PIP4K2A: variants seen among roughly 807,000 people sequenced by gnomAD.
PIP4K2A encodes the protein phosphatidylinositol 5-phosphate 4-kinase type-2 alpha.
In PIP4K2A, 14 loss-of-function variants were observed where a neutral mutation model predicts 42.9. The observed-to-expected ratio is 0.33, with a 90% CI of 0.22 to 0.51. The LOEUF is 0.51. Among genes scored for constraint, PIP4K2A ranks in the 20% least tolerant of loss-of-function variants. The pLI is 0.97. For synonymous variants in PIP4K2A, 192 were observed against 192.2 expected (o/e 1.00, Z 0.01); for missense variants, 434 against 519.8 (o/e 0.83, Z 1.61).
chr10:22,699,018 TGTGA>T (rs1431832609), intron 1 of PIP4K2A, among the ~76,000 whole-genome samples: 1 of 152,214 alleles, frequency 6.6e-6, no homozygotes, highest in African/African-American at 2.4e-5. Context: ...GTGTTAAATC[TGTGA>T]GTATCCGATG....
chr10:22,621,477 G>C (rs1053276787), intron 1 of PIP4K2A, among the ~76,000 whole-genome samples: 1 of 152,162 alleles, frequency 6.6e-6, no homozygotes, highest in African/African-American at 2.4e-5. Context: ...CTGGGATAAG[G>C]ATGTTCTAAA....
At position 22,540,057 on chromosome 10, in the gene PIP4K2A, C is replaced by T. The variant is rs1338590293; in HGVS notation, c.1054G>A (p.Val352Met). ...KCHENSPRKE[V>M]YFMAIIDILT... ...ATGTCAATAATTGCCATGAAGTACA[C>T]CTCCTTCCTAGGCGAGTCTGCAGAG... Residue 352 changes from valine (V) to methionine (M), a missense_variant, in exon 9 of 10, where the codon GTG becomes ATG. Val to Met is a conservative substitution (Grantham distance 21, BLOSUM62 1). This residue lies in a region of PIP4K2A where 39 missense variants were observed against 75.3 expected (regional missense o/e 0.52). Coordinates refer to ENST00000376573, the MANE Select transcript of PIP4K2A (RefSeq NM_005028.5). 5.0e-6 allele frequency: 8 copies of T among 1,607,438 alleles called. No homozygotes were observed. In the East Asian group the frequency reaches 1.3e-4, roughly 27 times the overall value.
chr10:22,617,499 C>G (rs945672999), intron 1 of PIP4K2A, among the ~76,000 whole-genome samples: 1 of 152,224 alleles, frequency 6.6e-6, no homozygotes, highest in African/African-American at 2.4e-5. Context: ...TCACCCTAAA[C>G]ACTATGTTCT....
chr10:22,620,664 G>A (rs987146290), intron 1 of PIP4K2A, among the ~76,000 whole-genome samples: 10 of 152,174 alleles, frequency 6.6e-5, no homozygotes, highest in South Asian at 2.1e-4. Flanking sequence ...ACCTGGCACC[G>A]GGCCCGGCAT....
At chr10:22,549,283 C>T (rs1836335899) in intron 7 of PIP4K2A, among the ~76,000 whole-genome samples, 1 of 151,982 alleles carries the variant, frequency 6.6e-6, no homozygotes, top group Non-Finnish European at 1.5e-5. Flanking sequence ...ATAAATTATA[C>T]TGCTTCCGCC....
intron 4 of PIP4K2A, among the ~76,000 whole-genome samples, chr10:22,583,342 T>C (rs1588642264): frequency 6.6e-6 from 1 of 152,152 alleles, no homozygotes; most frequent in Non-Finnish European, 1.5e-5. Context: ...GGTTCCAGAA[T>C]GGCCCCTGTA....
At chr10:22,573,488 AC>A in intron 4 of PIP4K2A, 31 bp from the exon 5 acceptor site, 1 of 1,585,142 alleles carries the variant, frequency 6.3e-7, no homozygotes. Context: ...AAGGAAAAAA[AC>A]ATCCAATCAA....
At chr10:22,652,352 C>G (rs562404380) in intron 1 of PIP4K2A, among the ~76,000 whole-genome samples, 2 of 152,210 alleles carry the variant, frequency 1.3e-5, no homozygotes, top group East Asian at 1.9e-4. Context: ...AACTCCTGAC[C>G]TCAAGTGATC....
chr10:22,673,635 GA>G (rs992801571), intron 1 of PIP4K2A, among the ~76,000 whole-genome samples: 1 of 150,030 alleles, frequency 6.7e-6, no homozygotes, highest in Non-Finnish European at 1.5e-5. Flanking sequence ...CTCTTCTGAG[GA>G]AAAAAAATAA....
chr10:22,559,302 AACT>A (rs1476252910), intron 6 of PIP4K2A, among the ~76,000 whole-genome samples: 1 of 152,234 alleles, frequency 6.6e-6, no homozygotes, highest in East Asian at 1.9e-4. Context: ...TTCTAGAACC[AACT>A]ACGAGTTGTT....
chr10:22,665,002 A>T (rs1346736932), intron 1 of PIP4K2A, among the ~76,000 whole-genome samples: 1 of 115,652 alleles, frequency 8.6e-6, no homozygotes, highest in African/African-American at 3.7e-5. Context: ...GGAAAAAAAC[A>T]TAACATTATT....
intron 6 of PIP4K2A, among the ~76,000 whole-genome samples, chr10:22,554,563 C>T (rs1836487747): frequency 6.6e-6 from 1 of 152,214 alleles, no homozygotes; most frequent in Non-Finnish European, 1.5e-5. Flanking sequence ...AAGAAACCCC[C>T]AGGGCTAACT....
At chr10:22,555,207 G>A (rs1836507128) in intron 6 of PIP4K2A, among the ~76,000 whole-genome samples, 1 of 152,174 alleles carries the variant, frequency 6.6e-6, no homozygotes, top group South Asian at 2.1e-4. Flanking sequence ...CCATGGTTAT[G>A]TGAACACACT....
chr10:22,616,782 C>T (rs189036295), intron 1 of PIP4K2A, among the ~76,000 whole-genome samples: 6 of 152,206 alleles, frequency 3.9e-5, no homozygotes, highest in East Asian at 1.9e-4. Context: ...ACTACAATTA[C>T]ACCAGCTGTG....
At chr10:22,603,632 T>A (rs1279963801) in intron 3 of PIP4K2A, among the ~76,000 whole-genome samples, 1 of 152,214 alleles carries the variant, frequency 6.6e-6, no homozygotes, top group Non-Finnish European at 1.5e-5. Context: ...TTCTTCTCTC[T>A]GCATTCCCTA....
At position 22,714,242 on chromosome 10, in the gene PIP4K2A, T is replaced by A; in HGVS notation, c.85A>T (p.Lys29Ter). The A allele has an allele frequency of 6.2e-7, 1 of 1,612,400 alleles. No homozygotes were observed. Among genetic ancestry groups the A allele is most frequent in the Non-Finnish European group, 8.5e-7 (1 of 1,179,170 alleles). The change falls in exon 1 of 10, where the codon AAG becomes TAG. Residue 29 changes from lysine (K) to a stop codon, truncating the protein, a stop_gained. Transcript: ENST00000376573. LOFTEE classifies it high-confidence loss of function. ...KKKHFVAQKVKLFRASDPLLS... is the reference protein window; with the variant it reads ...KKKHFVAQKV ...AGCGGGTCGCTGGCCCGAAACAGCT[T>A]CACTTTCTGCGCTACGAAGTGCTTC...
intron 1 of PIP4K2A, among the ~76,000 whole-genome samples, chr10:22,645,277 G>A (rs562263990): frequency 1.3e-5 from 2 of 152,300 alleles, no homozygotes; most frequent in African/African-American, 4.8e-5. Context: ...CAGCCACGAT[G>A]GCTCACGCCC....
intron 1 of PIP4K2A, among the ~76,000 whole-genome samples, chr10:22,706,282 G>T (rs1325950532): frequency 6.6e-6 from 1 of 152,136 alleles, no homozygotes; most frequent in Non-Finnish European, 1.5e-5. Flanking sequence ...AAGTCCCCCA[G>T]GCAGAAGTAA....
chr10:22,669,680 T>C (rs1370509842), intron 1 of PIP4K2A, among the ~76,000 whole-genome samples: 1 of 152,182 alleles, frequency 6.6e-6, no homozygotes, highest in Non-Finnish European at 1.5e-5. Flanking sequence ...ACACCACGGA[T>C]GCAGGATACA....
Sources: allele counts gnomAD v4.1 joint callset (sites outside exome capture counted in the v4.1 genomes callset), GRCh38; gene constraint gnomAD v4.1.1; regional missense constraint gnomAD v4.1.1; transcripts MANE v1.5; gene names NCBI Gene and HGNC (gene_info 2026-07-23, HGNC 2026-07-21).